SH2D5: variants seen among roughly 807,000 people sequenced by gnomAD.
SH2D5 encodes SH2 domain-containing protein 5.
SH2D5 carries 45 observed loss-of-function variants against 48.2 expected under a neutral mutation model. The ratio of observed to expected loss-of-function variants is 0.93; its 90% CI spans 0.73 to 1.20. The LOEUF is 1.20. Among genes scored for constraint, SH2D5 ranks in the 50% most tolerant of loss-of-function variants. SH2D5 has a pLI of 0.00. For missense variants in SH2D5, 538 were observed against 584.1 expected, an observed-to-expected ratio of 0.92 and a Z score of 0.81; for synonymous variants, 230 against 249.8, an observed-to-expected ratio of 0.92 and a Z score of 0.75.
intron 9 of SH2D5, among the ~76,000 whole-genome samples, chr1:20,722,272 C>T (rs2054702377): frequency 6.6e-6 from 1 of 152,234 alleles, no homozygotes; most frequent in African/African-American, 2.4e-5. Context: ...CAAGACATCA[C>T]ACTGGAGACT....
At position 20,724,421 on chromosome 1, in the gene SH2D5, G is replaced by A. The variant is rs1489746919; in HGVS notation, c.605C>T (p.Pro202Leu). The change falls in exon 6 of 10, where the codon CCA becomes CTA. Residue 202 changes from proline to leucine, a missense_variant. Physicochemically the swap from Pro to Leu is moderately conservative, Grantham distance 98. Coordinates refer to ENST00000444387, the MANE Select transcript of SH2D5 (RefSeq NM_001103161.2). Reference sequence around the variant, plus strand: ...CCCACTGCCCACCAGCCCCTCTGCTGGCAGCCGCCGAAAGGAGACCAGGGC... The same window carrying A: ...CCCACTGCCCACCAGCCCCTCTGCTAGCAGCCGCCGAAAGGAGACCAGGGC... ...VHALVSFRRL[P>L]AEGLVGSGKE... The A allele has an allele frequency of 1.2e-6, 2 of 1,612,902 alleles. No individual in the cohort carries two copies. Among genetic ancestry groups the A allele is most frequent in the South Asian group, 2.2e-5 (2 of 91,082 alleles).
chr1:20,728,210 C>T lies in SH2D5; in HGVS notation c.-42-124G>A. ...TGTGTGCAGCACGGCTGCGCAATGTCCCGGGCCCTGGGGAGCCAGCCCAGA... is the reference window on the plus strand; with the variant it reads ...TGTGTGCAGCACGGCTGCGCAATGTTCCGGGCCCTGGGGAGCCAGCCCAGA... On this transcript the variant is annotated intron_variant, in intron 1 of 9. Coordinates refer to ENST00000444387, the MANE Select transcript of SH2D5 (RefSeq NM_001103161.2). The surrounding 1 kb of genome is among the most constrained non-coding windows in gnomAD (Gnocchi z 4.3). 1 of 603,976 alleles carries T rather than the reference C, an allele frequency of 1.7e-6. No homozygotes were observed. 37.4% of individuals were successfully genotyped at this position (603,976 alleles called of 1,614,324 possible).
In SH2D5 at chr1:20,722,874, G is replaced by A. The variant is rs763650474; in HGVS notation, c.950C>T (p.Ala317Val). The change falls in exon 9 of 10, where the codon GCC becomes GTC. Residue 317 changes from alanine (A) to valine (V), a missense_variant. Ala to Val is a moderately conservative substitution (Grantham distance 64). Transcript: ENST00000444387. ...LALLRRDVLGAFLLWPELGAS... is the reference protein window; with the variant it reads ...LALLRRDVLGVFLLWPELGAS... ...ACCCAGCTCAGGCCACAGCAGGAAGGCCCCCAGCACGTCTCTCCGCAACAG... is the reference window on the plus strand; with the variant it reads ...ACCCAGCTCAGGCCACAGCAGGAAGACCCCCAGCACGTCTCTCCGCAACAG... 8.2e-5 allele frequency: 131 copies of A among 1,605,302 alleles called. No individual in the cohort carries two copies. Among genetic ancestry groups the A allele is most frequent in the Non-Finnish European group, 1.0e-4 (121 of 1,176,414 alleles).
At position 20,724,645 on chromosome 1, in the gene SH2D5, AG is replaced by A; in HGVS notation, c.391-11del. 6.5e-7 allele frequency: 1 copy of A among 1,543,650 alleles called. No homozygotes were observed. The highest frequency in any genetic ancestry group is 8.7e-7 in the Non-Finnish European group (1 of 1,147,140). ...GGTGCAGGATCTGGACCTGGGAGGG[AG>A]GGAGAGAGGTGGGCTCAGCTGGAGG... On this transcript the variant is annotated splice_polypyrimidine_tract_variant and intron_variant, in intron 5 of 9. Coordinates refer to ENST00000444387, the MANE Select transcript of SH2D5 (RefSeq NM_001103161.2).
rs771552058 is a variant in SH2D5 at position 20,724,200 on chromosome 1, G to A, written c.682C>T (p.Pro228Ser). The A allele has an allele frequency of 6.8e-6, 11 of 1,612,830 alleles. No individual in the cohort carries two copies. The African/African-American group carries it at 1.1e-4, about 16-fold the overall frequency. Residue 228 changes from proline (P) to serine (S), a missense_variant, in exon 7 of 10, where the codon CCC (proline) becomes TCC (serine). By Grantham distance (74) the Pro-to-Ser change is moderately conservative. Transcript: ENST00000444387. The part of the protein sequence containing the change: ...GRARHARLGN[P>S]YCSPTLVRKK... Reference sequence around the variant, plus strand: ...CGCACCAGCGTGGGCGAGCAGTAGGGATTCCCCAGGCGGGCATGGCGGGCA... The same window carrying A: ...CGCACCAGCGTGGGCGAGCAGTAGGAATTCCCCAGGCGGGCATGGCGGGCA...
chr1:20,727,530 G>T lies in SH2D5; in HGVS notation c.161C>A (p.Ala54Glu). ...SVWLVQQQLW[A>E]LKDCPRRRAV... ...CCCTCCCAGGCCACCCACCTTCAGC[G>T]CCCACAGCTGCTGCTGCACCAGCCA... Residue 54 changes from alanine to glutamate, a missense_variant, in exon 3 of 10, where the codon GCG becomes GAG. Physicochemically the swap from Ala to Glu is moderately radical, Grantham distance 107. Transcript: ENST00000444387. 1 of 1,602,966 alleles carries T rather than the reference G, an allele frequency of 6.2e-7. No individual in the cohort carries two copies. The highest frequency in any genetic ancestry group is 1.1e-5 in the South Asian group (1 of 88,504).
At chr1:20,725,899 C>G (rs906362597) in intron 5 of SH2D5, 21 bp downstream of exon 5, 6 of 1,611,472 alleles carry the variant, frequency 3.7e-6, no homozygotes, top group African/African-American at 1.3e-5. Context: ...GTGGCGGTCC[C>G]CTGCCTCAAG....
At position 20,724,072 on chromosome 1, in the gene SH2D5, C is replaced by T; in HGVS notation, c.799+11G>A. On this transcript the variant is annotated intron_variant, in intron 7 of 9. Transcript: ENST00000444387. ...AGGTACACACAGGGCAGGCATGTTC[C>T]CACAACTCACAGGCCTCCCGAGCCG... 1 of 1,607,840 alleles carries T rather than the reference C, an allele frequency of 6.2e-7. No individual in the cohort carries two copies. Among genetic ancestry groups the T allele is most frequent in the Non-Finnish European group, 8.5e-7 (1 of 1,176,686 alleles).
chr1:20,730,474 G>A (rs2054887442), intron 1 of SH2D5, among the ~76,000 whole-genome samples: 1 of 152,216 alleles, frequency 6.6e-6, no homozygotes, highest in South Asian at 2.1e-4. Flanking sequence ...AGCGGTGGGG[G>A]TGCAGAGGCC....
intron 1 of SH2D5, among the ~76,000 whole-genome samples, chr1:20,731,791 G>T (rs1408661557): frequency 6.6e-6 from 1 of 152,066 alleles, no homozygotes; most frequent in Non-Finnish European, 1.5e-5. Context: ...TACCTCGCTC[G>T]GGGCGCTGCG....
In SH2D5 at chr1:20,724,435, G is replaced by A. The variant is rs1265722640; in HGVS notation, c.591C>T (p.Ser197=). 11 of 1,612,822 alleles carry A rather than the reference G, an allele frequency of 6.8e-6. No homozygotes were observed. Among genetic ancestry groups the A allele is most frequent in the Non-Finnish European group, 9.3e-6 (11 of 1,180,006 alleles). Residue 197 remains serine (S), a synonymous_variant, in exon 6 of 10, where the codon TCC becomes TCT. Transcript: ENST00000444387. ...QLSQNVHALV[S]FRRLPAEGLV... is the part of the protein sequence containing the mutation. ...GCCCCTCTGCTGGCAGCCGCCGAAA[G>A]GAGACCAGGGCATGGACGTTCTGAG...
rs757142576 is a variant in SH2D5 at position 20,724,124 on chromosome 1, CAGCCGCGGT to C, written c.749_757del (p.Tyr250_Gly252del). The stretch of plus-strand genomic sequence containing the variant: ...CAGCTGCAGCTGGGTCTCATAGGTG[CAGCCGCGGT>C]AGGCCCCCGAGCGGATCACCTTGCT... On this transcript the variant is annotated inframe_deletion, in exon 7 of 10. Coordinates refer to ENST00000444387, the MANE Select transcript of SH2D5 (RefSeq NM_001103161.2). 1 of 1,612,860 alleles carries C rather than the reference CAGCCGCGGT, an allele frequency of 6.2e-7. No individual in the cohort carries two copies. Among genetic ancestry groups the C allele is most frequent in the South Asian group, 1.1e-5 (1 of 91,076 alleles).
intron 7 of SH2D5, among the ~76,000 whole-genome samples, 157 bp from the exon 8 acceptor site, chr1:20,723,891 C>G (rs1341481218): frequency 1.3e-5 from 2 of 152,254 alleles, no homozygotes; most frequent in Non-Finnish European, 1.5e-5. Flanking sequence ...CAGTTCTGGT[C>G]CATACACGGC....
At chr1:20,723,582 C>A (rs762975836) in intron 8 of SH2D5, 44 bp downstream of exon 8, 49 of 1,496,092 alleles carry the variant, frequency 3.3e-5, no homozygotes, top group Non-Finnish European at 4.3e-5. Context: ...TTTCTCTGCC[C>A]ACCCCAAGGG....
chr1:20,720,500 C>T lies in SH2D5; in HGVS notation c.*1292G>A, dbSNP rs192915391. The T allele has an allele frequency of 1.3e-5, 2 of 152,282 alleles. No individual in the cohort carries two copies. The highest frequency in any genetic ancestry group is 4.8e-5 in the African/African-American group (2 of 41,478). The allele number at this position is 152,282 out of a possible 1,614,324, so 9.4% of individuals were successfully genotyped here. On this transcript the variant is annotated 3_prime_UTR_variant, in exon 10 of 10. Coordinates refer to ENST00000444387, the MANE Select transcript of SH2D5 (RefSeq NM_001103161.2). ...GTGACTTTCAAGGCACTGAACAGTT[C>T]TGTCCCACTCCCAGACGGGGAGAGG... is the stretch of plus-strand genomic sequence containing the variant.
chr1:20,730,315 G>A (rs1014131053), intron 1 of SH2D5, among the ~76,000 whole-genome samples: 1 of 139,338 alleles, frequency 7.2e-6, no homozygotes, highest in African/African-American at 2.6e-5. Flanking sequence ...TCGGGGGGGG[G>A]GGGGACGCAG....
chr1:20,729,253 C>G lies in SH2D5; in HGVS notation c.-42-1167G>C, dbSNP rs1231288055. On this transcript the variant is annotated intron_variant, in intron 1 of 9. Transcript: ENST00000444387. This position sits in a 1 kb window ranked among gnomAD's most constrained non-coding sequence, Gnocchi z 4.2. ...GGCTAAATGCCTCTGGCGAGGTCCCCCAGGACTCAGCTCCCTCGGTCTCTC... is the reference window on the plus strand; with the variant it reads ...GGCTAAATGCCTCTGGCGAGGTCCCGCAGGACTCAGCTCCCTCGGTCTCTC... Among the ~76,000 whole-genome samples the G allele has an allele frequency of 6.6e-6, 1 of 152,204 alleles. No individual in the cohort carries two copies. Among genetic ancestry groups the G allele is most frequent in the Non-Finnish European group, 1.5e-5 (1 of 68,030 alleles).
Position 20,728,519 on chromosome 1 carries a change from G to A in SH2D5, c.-42-433C>T, listed in dbSNP as rs946659035. Among the ~76,000 whole-genome samples the A allele has an allele frequency of 6.6e-5, 10 of 152,154 alleles. No individual in the cohort carries two copies. Among genetic ancestry groups the A allele is most frequent in the Non-Finnish European group, 1.5e-4 (10 of 68,012 alleles). ...GTGTTCTGGGCTGGGGCCTGCCCCA[G>A]GGGCTGGTTACAGGAAGACCTGTAA... On this transcript the variant is annotated intron_variant, in intron 1 of 9. Coordinates refer to ENST00000444387, the MANE Select transcript of SH2D5 (RefSeq NM_001103161.2). This position sits in a 1 kb window ranked among gnomAD's most constrained non-coding sequence, Gnocchi z 4.3.
At position 20,729,948 on chromosome 1, in the gene SH2D5, T is replaced by C. The variant is rs78105109; in HGVS notation, c.-42-1862A>G. On this transcript the variant is annotated intron_variant, in intron 1 of 9. Transcript: ENST00000444387. The surrounding 1 kb of genome is among the most constrained non-coding windows in gnomAD (Gnocchi z 4.2). ...GGCTATTGCACCCGGATCATTTTCA[T>C]GTCATATCCTTTACCTACTGTATCT... Among the ~76,000 whole-genome samples the C allele has an allele frequency of 0.021, 3,175 of 152,362 alleles. 93 individuals are homozygous for C. The highest frequency in any genetic ancestry group is 0.071 in the African/African-American group (2,961 of 41,576).
Sources: allele counts gnomAD v4.1 joint callset (sites outside exome capture counted in the v4.1 genomes callset), GRCh38; gene constraint gnomAD v4.1.1; non-coding constraint Gnocchi (gnomAD v3.1); transcripts MANE v1.5; gene names NCBI Gene and HGNC (gene_info 2026-07-23, HGNC 2026-07-21).